ZNF512: variants seen among roughly 807,000 people sequenced by gnomAD.
ZNF512 encodes zinc finger protein 512.
ZNF512 carries 25 observed loss-of-function variants against 77.5 expected under a neutral mutation model. The observed-to-expected ratio is 0.32, with a 90% CI of 0.23 to 0.45. The LOEUF (loss-of-function observed/expected upper bound fraction) is 0.45, where lower values mean the gene tolerates loss of function less well. Ranked by LOEUF, ZNF512 falls within the 20% of genes least tolerant of loss-of-function variation. ZNF512 has a pLI of 1.00. For synonymous variants in ZNF512, 246 were observed against 239.9 expected (o/e 1.03, Z -0.24); for missense variants, 483 against 692.6 (o/e 0.70, Z 3.40).
At position 27,601,382 on chromosome 2, in the gene ZNF512, G is replaced by A; in HGVS notation, c.609G>A (p.Gly203=). Residue 203 remains glycine (G), a synonymous_variant, in exon 7 of 14, where the codon GGG becomes GGA. Coordinates refer to ENST00000355467, the MANE Select transcript of ZNF512 (RefSeq NM_032434.4). ...KQEMFTCHHC[G]KQLRSLAGMK... Reference sequence around the variant, plus strand: ...AAATGTTTACTTGTCATCATTGTGGGAAACAACTTCGTTCACTGGCAGGGA... The same window carrying A: ...AAATGTTTACTTGTCATCATTGTGGAAAACAACTTCGTTCACTGGCAGGGA... 5 of 1,614,084 alleles carry A rather than the reference G, an allele frequency of 3.1e-6. No homozygotes were observed. The highest frequency in any genetic ancestry group is 4.2e-6 in the Non-Finnish European group (5 of 1,179,996).
At chr2:27,595,316 T>C (rs1175581036) in intron 2 of ZNF512, among the ~76,000 whole-genome samples, 3 of 150,884 alleles carry the variant, frequency 2.0e-5, no homozygotes, top group Non-Finnish European at 4.4e-5. Flanking sequence ...TTTTTTTTTT[T>C]TTGAGATGGA....
At chr2:27,619,563 A>G (rs921628515) in intron 13 of ZNF512, among the ~76,000 whole-genome samples, 11 of 152,092 alleles carry the variant, frequency 7.2e-5, no homozygotes, top group Non-Finnish European at 1.2e-4. Flanking sequence ...TTATGCCTCT[A>G]TGAATTTTGT....
chr2:27,583,094 T>C lies in ZNF512; in HGVS notation c.-19T>C. ...GGCCGGAGCCCTTGGGTGAAATTGT[T>C]AGGCGTGGAGAGGGAGTGATGTCTT... On this transcript the variant is annotated 5_prime_UTR_variant, in exon 1 of 14. Transcript: ENST00000355467. The C allele has an allele frequency of 6.2e-7, 1 of 1,613,976 alleles. No homozygotes were observed. The highest frequency in any genetic ancestry group is 8.5e-7 in the Non-Finnish European group (1 of 1,179,978).
intron 10 of ZNF512, among the ~76,000 whole-genome samples, chr2:27,614,126 C>T (rs116802344): frequency 0.017 from 2,561 of 152,174 alleles, 57 homozygotes; most frequent in African/African-American, 0.058. Flanking sequence ...CCTCCATTAC[C>T]TTTATGGGCT....
chr2:27,609,869 C>CAA (rs34097136), intron 10 of ZNF512, among the ~76,000 whole-genome samples: 2 of 131,214 alleles, frequency 1.5e-5, no homozygotes, highest in Non-Finnish European at 1.7e-5. Flanking sequence ...AAATCTGTCT[C>CAA]AAAAAAAAAA....
At position 27,598,086 on chromosome 2, in the gene ZNF512, A is replaced by G; in HGVS notation, c.109A>G (p.Ile37Val). 1 of 1,590,956 alleles carries G rather than the reference A, an allele frequency of 6.3e-7. No homozygotes were observed. The highest frequency in any genetic ancestry group is 8.6e-7 in the Non-Finnish European group (1 of 1,162,370). The change falls in exon 3 of 14, where the codon ATA becomes GTA. Residue 37 changes from isoleucine (I) to valine (V), a missense_variant. By Grantham distance (29) the Ile-to-Val change is conservative. Transcript: ENST00000355467. ...TATTAGTAGCAGGACCCAGTGCTCC[A>G]TAAAGGATAATAGTTTCCAGTACAC... ...GAKNSRTQCS[I>V]KDNSFQYTIP...
chr2:27,611,718 G>T (rs1184904842), intron 10 of ZNF512, among the ~76,000 whole-genome samples: 7 of 144,338 alleles, frequency 4.8e-5, no homozygotes, highest in African/African-American at 1.6e-4. Context: ...TTTTTTTGGA[G>T]ACGGAGTCTC....
At chr2:27,592,369 G>T (rs1671627379) in intron 2 of ZNF512, among the ~76,000 whole-genome samples, 1 of 151,578 alleles carries the variant, frequency 6.6e-6, no homozygotes, top group Non-Finnish European at 1.5e-5. Context: ...CAGCTGGAGT[G>T]CAGTGGCATG....
chr2:27,615,294 C>G, intron 11 of ZNF512, 25 bp downstream of exon 11: 1 of 1,442,068 alleles, frequency 6.9e-7, no homozygotes, highest in Non-Finnish European at 9.5e-7. Context: ...TTCATTTATT[C>G]AGTAAATGTT....
intron 2 of ZNF512, among the ~76,000 whole-genome samples, chr2:27,591,619 C>T (rs1466910462): frequency 6.6e-6 from 1 of 152,190 alleles, no homozygotes; most frequent in Non-Finnish European, 1.5e-5. Context: ...CCATGTTGGC[C>T]AGGATGGTCT....
At chr2:27,613,751 A>G (rs1672763930) in intron 10 of ZNF512, among the ~76,000 whole-genome samples, 1 of 152,090 alleles carries the variant, frequency 6.6e-6, no homozygotes, top group Admixed American at 6.5e-5. Context: ...ATGTTGTTCA[A>G]GGGTCAACTG....
At chr2:27,605,458 A>G (rs189066976) in intron 9 of ZNF512, among the ~76,000 whole-genome samples, 4 of 151,874 alleles carry the variant, frequency 2.6e-5, no homozygotes, top group Non-Finnish European at 4.4e-5. Flanking sequence ...TGACTCAAAA[A>G]CAAAAAATGA....
intron 2 of ZNF512, among the ~76,000 whole-genome samples, chr2:27,592,106 C>A (rs942676276): frequency 6.6e-6 from 1 of 152,038 alleles, no homozygotes; most frequent in African/African-American, 2.4e-5. Context: ...TCTCCCACTT[C>A]AGCCTGCTGA....
At chr2:27,606,665 G>T (rs994386573) in intron 9 of ZNF512, among the ~76,000 whole-genome samples, 1 of 152,044 alleles carries the variant, frequency 6.6e-6, no homozygotes, top group South Asian at 2.1e-4. Context: ...CTGGCCCTCA[G>T]TGTATAATTT....
rs182439295 is a variant in ZNF512 at position 27,598,145 on chromosome 2, G to A, written c.168G>A (p.Ser56=). The change falls in exon 3 of 14, where the codon TCG becomes TCA. Residue 56 remains serine (S), a synonymous_variant. Transcript: ENST00000355467. ...IPHDDSLSGS[S]SASSCEPVSD... is the part of the protein sequence containing the mutation. ...ATGATGACTCCTTAAGTGGTTCATC[G>A]TCTGCATCTTCGTGTGAACCAGTGA... 357 of 1,613,990 alleles carry A rather than the reference G, an allele frequency of 2.2e-4. No homozygotes were observed. Among genetic ancestry groups the A allele is most frequent in the Non-Finnish European group, 2.7e-4 (317 of 1,179,960 alleles).
At chr2:27,591,090 G>A (rs549376949) in intron 2 of ZNF512, among the ~76,000 whole-genome samples, 4 of 152,180 alleles carry the variant, frequency 2.6e-5, no homozygotes, top group East Asian at 3.9e-4. Context: ...AGGCTGAAGC[G>A]CAGTGGTGCG....
At position 27,615,113 on chromosome 2, in the gene ZNF512, A is replaced by G. The variant is rs940201070; in HGVS notation, c.1132-55A>G. 8 of 1,052,398 alleles carry G rather than the reference A, an allele frequency of 7.6e-6. No individual in the cohort carries two copies. The African/African-American group carries it at 1.3e-4, about 17-fold the overall frequency. The allele number at this position is 1,052,398 out of a possible 1,614,324, so 65.2% of individuals were successfully genotyped here. ...AAGAGTTGGGTGTGAAACTTTTGGGATATTTTGGTTGGGAGTTGTATTTAT... is the reference window on the plus strand; with the variant it reads ...AAGAGTTGGGTGTGAAACTTTTGGGGTATTTTGGTTGGGAGTTGTATTTAT... On this transcript the variant is annotated intron_variant, in intron 10 of 13. Transcript: ENST00000355467.
chr2:27,598,326 C>A, intron 3 of ZNF512, 72 bp downstream of exon 3: 1 of 1,486,112 alleles, frequency 6.7e-7, no homozygotes, highest in Non-Finnish European at 9.2e-7. Context: ...GTTATAAATA[C>A]CTCTTAAAAG....
In ZNF512 at chr2:27,603,201, A is replaced by G. The variant is rs778375339; in HGVS notation, c.830A>G (p.Lys277Arg). ...GYLYHVRKCG[K>R]GAAELEKMTL... ...CTCTACCATGTCAGAAAATGTGGCA[A>G]AGGGGCTGCAGAGCTGGAAAAGATG... The change falls in exon 9 of 14, where the codon AAA becomes AGA. Residue 277 changes from lysine (K) to arginine (R), a missense_variant. Lys to Arg is a conservative substitution (Grantham distance 26). Coordinates refer to ENST00000355467, the MANE Select transcript of ZNF512 (RefSeq NM_032434.4). 7 of 1,614,086 alleles carry G rather than the reference A, an allele frequency of 4.3e-6. No homozygotes were observed. The highest frequency in any genetic ancestry group is 1.7e-5 in the Admixed American group (1 of 59,996).
Sources: gnomAD v4.1 joint callset for allele counts (sites outside exome capture counted in the v4.1 genomes callset) on GRCh38, gnomAD v4.1.1 for gene constraint, MANE v1.5 for transcripts, NCBI Gene and HGNC (gene_info 2026-07-23, HGNC 2026-07-21) for gene names.